The following DNAI3 variants were observed in gnomAD, a reference collection of about 807,000 sequenced individuals.
DNAI3 encodes WD repeat domain 63.
In DNAI3, 83 loss-of-function variants were observed where a neutral mutation model predicts 115.5. That is an observed-to-expected ratio of 0.72 (90% confidence interval 0.60 to 0.86). The LOEUF (loss-of-function observed/expected upper bound fraction) is 0.86. DNAI3 is among the 40% of genes least tolerant of loss of function. The probability of loss-of-function intolerance (pLI) is 0.00; values close to 1 mark genes in which losing one functional copy is unlikely to be tolerated. For missense variants in DNAI3, 1,004 were observed against 1,075.8 expected, an observed-to-expected ratio of 0.93 and a Z score of 0.93; for synonymous variants, 320 against 347.0, an observed-to-expected ratio of 0.92 and a Z score of 0.86.
At position 85,086,092 on chromosome 1, in the gene DNAI3, A is replaced by G. The variant is rs1325441751; in HGVS notation, c.740+62A>G. On this transcript the variant is annotated intron_variant, in intron 7 of 22. Coordinates refer to ENST00000294664, the MANE Select transcript of DNAI3 (RefSeq NM_145172.5). ...GTTACAGTAAAATCTAGTAACTTCCATTATTATTTTGAGAGCTCTTTATAA... is the reference window on the plus strand; with the variant it reads ...GTTACAGTAAAATCTAGTAACTTCCGTTATTATTTTGAGAGCTCTTTATAA... 6 of 1,485,172 alleles carry G rather than the reference A, an allele frequency of 4.0e-6. No homozygotes were observed. The East Asian group carries it at 6.8e-5, about 17-fold the overall frequency. The allele number at this position is 1,485,172 out of a possible 1,614,324, so 92.0% of individuals were successfully genotyped here.
intron 16 of DNAI3, among the ~76,000 whole-genome samples, chr1:85,116,069 C>A (rs1655808490): frequency 6.6e-6 from 1 of 152,194 alleles, no homozygotes; most frequent in African/African-American, 2.4e-5. Context: ...CCTTTCCTGG[C>A]TCCATTTCAC....
chr1:85,110,063 G>A lies in DNAI3; in HGVS notation c.1714G>A (p.Gly572Ser). ...CTCCCAAAAGGTAAGGCTGTCCAAG[G>A]GTGAAACAAGTTTAGACCACTGTCC... ...KPLTKVRLSK[G>S]ETSLDHCPTK... Residue 572 changes from glycine to serine, a missense_variant, in exon 16 of 23, where the codon GGT becomes AGT. Physicochemically the swap from Gly to Ser is moderately conservative, Grantham distance 56 (BLOSUM62 0). Coordinates refer to ENST00000294664, the MANE Select transcript of DNAI3 (RefSeq NM_145172.5). The A allele has an allele frequency of 6.2e-7, 1 of 1,613,622 alleles. No individual in the cohort carries two copies. The highest frequency in any genetic ancestry group is 8.5e-7 in the Non-Finnish European group (1 of 1,179,782).
chr1:85,072,090 C>A, intron 2 of DNAI3, 85 bp downstream of exon 2: 3 of 1,247,740 alleles, frequency 2.4e-6, no homozygotes, highest in Non-Finnish European at 2.2e-6. Context: ...TTTTACATAT[C>A]AAATGAAATA....
chr1:85,064,501 A>T (rs1654028862), intron 1 of DNAI3, among the ~76,000 whole-genome samples: 1 of 152,168 alleles, frequency 6.6e-6, no homozygotes, highest in Non-Finnish European at 1.5e-5. Flanking sequence ...CTTAGTGAAG[A>T]TTTACTGAGA....
At chr1:85,116,143 G>T (rs544461284) in intron 16 of DNAI3, among the ~76,000 whole-genome samples, 3 of 152,172 alleles carry the variant, frequency 2.0e-5, no homozygotes, top group Non-Finnish European at 2.9e-5. Context: ...TTTCCTCATT[G>T]GTAACACAGT....
In DNAI3 at chr1:85,110,028, G is replaced by C; in HGVS notation, c.1699-20G>C. The C allele has an allele frequency of 6.2e-7, 1 of 1,604,588 alleles. No homozygotes were observed. The highest frequency in any genetic ancestry group is 1.7e-5 in the Admixed American group (1 of 59,804). ...TTCAGGATATGTGGAAATAATCTTT[G>C]CTATATGTTCTCCCAAAAGGTAAGG... On this transcript the variant is annotated intron_variant, in intron 15 of 22. Coordinates refer to ENST00000294664, the MANE Select transcript of DNAI3 (RefSeq NM_145172.5).
At chr1:85,089,263 C>G (rs1264631856) in intron 7 of DNAI3, among the ~76,000 whole-genome samples, 9 of 151,114 alleles carry the variant, frequency 6.0e-5, no homozygotes, top group African/African-American at 2.2e-4. Flanking sequence ...ATAATTGGCT[C>G]AGGGGTCATA....
Position 85,077,298 on chromosome 1 carries a change from A to G in DNAI3, c.104-3936A>G, listed in dbSNP as rs139617607. Among the ~76,000 whole-genome samples the G allele has an allele frequency of 1.5e-3, 224 of 152,336 alleles. 1 individual carries two copies. Among genetic ancestry groups the G allele is most frequent in the African/African-American group, 5.0e-3 (207 of 41,590 alleles). The stretch of plus-strand genomic sequence containing the variant: ...CAATCCATACCTCACACCATACACA[A>G]AAATTAACTCAAAAGGAATCATAGA... On this transcript the variant is annotated intron_variant, in intron 3 of 22. Transcript: ENST00000294664.
chr1:85,092,794 TACACACACACACACACAC>T (rs58308443), intron 8 of DNAI3, among the ~76,000 whole-genome samples: 5 of 145,280 alleles, frequency 3.4e-5, no homozygotes, highest in Non-Finnish European at 7.5e-5. Context: ...CAACTAAAAC[TACACACACACACACACAC>T]ACACACACAC....
intron 5 of DNAI3, among the ~76,000 whole-genome samples, chr1:85,084,122 AT>A (rs11314442): frequency 0.6 from 84,235 of 140,790 alleles, 24,897 homozygotes; most frequent in Non-Finnish European, 0.61. Context: ...CATTTGGTTG[AT>A]TTTTTTTTTT....
At chr1:85,128,935 T>C (rs890290867) in intron 21 of DNAI3, 136 bp downstream of exon 21, 17 of 748,758 alleles carry the variant, frequency 2.3e-5, no homozygotes, top group Non-Finnish European at 3.5e-5. Flanking sequence ...TAAGAGGATG[T>C]ATTTCTGTTG....
rs767374883 is a variant in DNAI3, at chr1:85,085,998, CCA to C, written c.709_710del (p.Gln237AsnfsTer14). The C allele has an allele frequency of 1.9e-6, 3 of 1,614,012 alleles. No individual in the cohort carries two copies. In the Admixed American group the frequency reaches 5.0e-5, roughly 27 times the overall value. On this transcript the variant is annotated frameshift_variant, in exon 7 of 23. Transcript: ENST00000294664. LOFTEE classifies it high-confidence loss of function. ...AAGATGTTGGCATGCAAGTAATCCCCCAAATAAAGGACATAAGCACTCAGACA... is the reference window on the plus strand; with the variant it reads ...AAGATGTTGGCATGCAAGTAATCCCCAATAAAGGACATAAGCACTCAGACA... ...EKDVGMQVIP[Q>X]IKDISTQTKW...
chr1:85,100,981 G>C (rs111877621), intron 13 of DNAI3, among the ~76,000 whole-genome samples: 1 of 151,722 alleles, frequency 6.6e-6, no homozygotes, highest in Non-Finnish European at 1.5e-5. Context: ...TGTGGGGTGG[G>C]GGGAGGAGGG....
At chr1:85,088,377 C>T (rs968807540) in intron 7 of DNAI3, among the ~76,000 whole-genome samples, 1 of 152,082 alleles carries the variant, frequency 6.6e-6, no homozygotes, top group African/African-American at 2.4e-5. Context: ...TTAAAAGGAA[C>T]TCAAGTGGTT....
At chr1:85,113,965 T>G (rs536763502) in intron 16 of DNAI3, among the ~76,000 whole-genome samples, 3 of 152,184 alleles carry the variant, frequency 2.0e-5, no homozygotes, top group African/African-American at 7.2e-5. Context: ...TACTTAAATT[T>G]TTTTAATTTC....
chr1:85,065,539 T>G (rs1654072057), intron 1 of DNAI3, among the ~76,000 whole-genome samples: 1 of 152,166 alleles, frequency 6.6e-6, no homozygotes, highest in Non-Finnish European at 1.5e-5. Flanking sequence ...GACAGGCAGT[T>G]CCTGGGCAGA....
chr1:85,075,671 A>T (rs1312492128), intron 3 of DNAI3, among the ~76,000 whole-genome samples: 4 of 152,212 alleles, frequency 2.6e-5, no homozygotes, highest in African/African-American at 9.6e-5. Context: ...AAAAACTGTC[A>T]GTCCTAAGGG....
intron 4 of DNAI3, 25 bp downstream of exon 4, chr1:85,081,440 T>C: frequency 6.6e-7 from 1 of 1,522,916 alleles, no homozygotes; most frequent in South Asian, 1.4e-5. Flanking sequence ...CCTATTTATT[T>C]TCAGTCCTAC....
intron 18 of DNAI3, among the ~76,000 whole-genome samples, 161 bp from the exon 19 acceptor site, chr1:85,123,960 C>G (rs1656057969): frequency 6.6e-6 from 1 of 152,156 alleles, no homozygotes; most frequent in African/African-American, 2.4e-5. Flanking sequence ...ACAGAAGGAG[C>G]CATCCCTTGA....
Sources: gnomAD v4.1 joint callset for allele counts (sites outside exome capture counted in the v4.1 genomes callset) on GRCh38, gnomAD v4.1.1 for gene constraint, MANE v1.5 for transcripts, NCBI Gene and HGNC (gene_info 2026-07-23, HGNC 2026-07-21) for gene names.